Variants in SPMIP1 observed in about 807,000 individuals in gnomAD.
SPMIP1 encodes protein SPMIP1.
chr7:128,866,623 C>G, the SPMIP1 span: 1 of 1,535,216 alleles, frequency 6.5e-7, no homozygotes, highest in East Asian at 2.4e-5. Flanking sequence ...CAAGTCAGCC[C>G]CTTCCAAGGT....
the SPMIP1 span, among the ~76,000 whole-genome samples, chr7:128,867,431 G>A: frequency 3.9e-5 from 6 of 152,192 alleles, no homozygotes; most frequent in Non-Finnish European, 5.9e-5. Flanking sequence ...GGGCTGGAGC[G>A]TGCATGAACA....
the SPMIP1 span, chr7:128,866,362 T>C: frequency 4.9e-6 from 7 of 1,434,090 alleles, no homozygotes; most frequent in Non-Finnish European, 6.5e-6. Flanking sequence ...CTTGCTGTGC[T>C]CACCCCTCAG....
At chr7:128,866,789 T>A in the SPMIP1 span, 18 of 1,535,578 alleles carry the variant, frequency 1.2e-5, no homozygotes, top group Non-Finnish European at 1.6e-5. Flanking sequence ...ACGCGATACC[T>A]CTTCCCCATC....
chr7:128,869,153 C>G, the SPMIP1 span: 19,702 of 355,372 alleles, frequency 0.055, 1,072 homozygotes, highest in African/African-American at 0.17. Flanking sequence ...CCTCCTTGCC[C>G]GCCCCTCACC....
the SPMIP1 span, chr7:128,866,964 A>G: frequency 1.1e-6 from 1 of 891,384 alleles, no homozygotes; most frequent in South Asian, 1.8e-5. Flanking sequence ...CGTTCCACAG[A>G]ACTAGGGAGT....
chr7:128,870,639 A>T, the SPMIP1 span: 2 of 152,080 alleles, frequency 1.3e-5, no homozygotes, highest in African/African-American at 4.8e-5. Context: ...AGGTTTTGGG[A>T]GGGCAGGTCC....
At chr7:128,871,108 TA>T in the SPMIP1 span, 2 of 152,256 alleles carry the variant, frequency 1.3e-5, no homozygotes, top group Non-Finnish European at 2.9e-5. Context: ...AGTGCATGGC[TA>T]GGGGTGCCCT....
At chr7:128,866,524 G>A in the SPMIP1 span, 3 of 1,535,978 alleles carry the variant, frequency 2.0e-6, no homozygotes, top group Non-Finnish European at 2.6e-6. Flanking sequence ...GATGGTGAAG[G>A]CCAAGCAGAA....
At chr7:128,867,729 G>A in the SPMIP1 span, among the ~76,000 whole-genome samples, 15 of 152,194 alleles carry the variant, frequency 9.9e-5, no homozygotes, top group South Asian at 1.2e-3. Flanking sequence ...GTGTCACCAC[G>A]CCCAGCTAAT....
the SPMIP1 span, chr7:128,870,590 G>C: frequency 2.6e-5 from 4 of 152,254 alleles, no homozygotes; most frequent in East Asian, 3.9e-4. Flanking sequence ...GCCCAGGTGC[G>C]GGTCCGAGCC....
chr7:128,866,551 C>A, the SPMIP1 span: 4 of 1,535,910 alleles, frequency 2.6e-6, no homozygotes, highest in Non-Finnish European at 3.5e-6. Context: ...GGCTGCAGCC[C>A]GCCTGCCCCT....
the SPMIP1 span, chr7:128,868,528 C>A: frequency 1.8e-6 from 1 of 558,532 alleles, no homozygotes; most frequent in Non-Finnish European, 3.2e-6. Flanking sequence ...CCCATTCCTC[C>A]AAAGCACTTT....
chr7:128,871,987 A>G, the SPMIP1 span: 26 of 152,218 alleles, frequency 1.7e-4, no homozygotes, highest in African/African-American at 5.5e-4. Context: ...CTTCTCTCTC[A>G]TGTGCATGAT....
At chr7:128,866,947 G>A in the SPMIP1 span, 7 of 1,019,734 alleles carry the variant, frequency 6.9e-6, no homozygotes, top group Non-Finnish European at 8.4e-6. Context: ...GCCAAGAAGT[G>A]TCGACACGTT....
the SPMIP1 span, chr7:128,869,751 T>G: frequency 1.3e-5 from 2 of 152,290 alleles, no homozygotes; most frequent in South Asian, 2.1e-4. Flanking sequence ...TTGGCGGTGC[T>G]GAGGGGCGCC....
the SPMIP1 span, among the ~76,000 whole-genome samples, chr7:128,868,311 T>TAAC: frequency 2.0e-5 from 3 of 152,132 alleles, no homozygotes; most frequent in East Asian, 3.9e-4. Flanking sequence ...GTCAGGGAAA[T>TAAC]AACTTTCTAA....
At chr7:128,871,939 ACTT>A in the SPMIP1 span, 8 of 152,154 alleles carry the variant, frequency 5.3e-5, no homozygotes, top group Non-Finnish European at 1.0e-4. Flanking sequence ...ACTTGTAAAA[ACTT>A]CTCTGTCCAT....
At chr7:128,866,597 C>CCAAAA in the SPMIP1 span, 2 of 1,455,658 alleles carry the variant, frequency 1.4e-6, no homozygotes, top group Non-Finnish European at 1.8e-6. Context: ...GCCCCACTCT[C>CCAAAA]ACCCCCACCC....
the SPMIP1 span, chr7:128,866,607 C>CCCCCCCCAGTCAGCCCCCTCCCAGGG: frequency 6.5e-7 from 1 of 1,533,314 alleles, no homozygotes; most frequent in Non-Finnish European, 8.7e-7. Flanking sequence ...CACCCCCACC[C>CCCCCCCCAGTCAGCCCCCTCCCAGGG]GCCCCCAAGT....
Sources: gnomAD v4.1 joint callset for allele counts (sites outside exome capture counted in the v4.1 genomes callset) on GRCh38, gnomAD v4.1.1 for gene constraint, MANE v1.5 for transcripts, NCBI Gene and HGNC (gene_info 2026-07-23, HGNC 2026-07-21) for gene names.